Variants in DMD observed in about 807,000 individuals in gnomAD.
The protein encoded by DMD is dystrophin, also known as mutant dystrophin.
DMD carries 63 observed loss-of-function variants against 330.1 expected under a neutral mutation model. The observed-to-expected ratio is 0.19, with a 90% confidence interval of 0.16 to 0.24. DMD has a LOEUF of 0.24. DMD is among the 10% of genes least tolerant of loss of function. The pLI is 1.00. For missense variants in DMD, 3,344 were observed against 2,684.1 expected, an observed-to-expected ratio of 1.25 and a Z score of -5.43; for synonymous variants, 1,223 against 959.8, an observed-to-expected ratio of 1.27 and a Z score of -5.07.
chrX:31,758,168 C>G (rs745555424), intron 51 of DMD, among the ~76,000 whole-genome samples: 14 of 111,702 alleles, frequency 1.3e-4, no homozygotes, highest in Non-Finnish European at 2.4e-4. Flanking sequence ...CTAGAATGCT[C>G]TTAATCTAAA....
intron 7 of DMD, among the ~76,000 whole-genome samples, chrX:32,719,850 C>G (rs1269033135): frequency 1.8e-5 from 2 of 109,853 alleles, no homozygotes; most frequent in Non-Finnish European, 3.8e-5. Flanking sequence ...TGCCCTTTTC[C>G]AACCTCTGAA....
chrX:32,954,865 C>G lies in DMD; in HGVS notation c.93+65274G>C, dbSNP rs1174824806. Among the ~76,000 whole-genome samples, 5 of 111,708 alleles carry G rather than the reference C, an allele frequency of 4.5e-5. No individual in the cohort carries two copies. In the Admixed American group the frequency reaches 4.8e-4, roughly 11 times the overall value. On this transcript the variant is annotated intron_variant, in intron 2 of 78. Transcript: ENST00000357033. ...ACTCCATCCATGTTCCTGCAAAGTA[C>G]ATGGTCTCATTCTTTCTTATGGCTA...
At chrX:31,535,547 C>T (rs1472709603) in intron 55 of DMD, among the ~76,000 whole-genome samples, 3 of 101,293 alleles carry the variant, frequency 3.0e-5, no homozygotes, top group African/African-American at 7.2e-5. Flanking sequence ...AGAAGAAAAC[C>T]TAGGCATTAC....
intron 1 of DMD, among the ~76,000 whole-genome samples, chrX:33,255,873 G>A (rs1453964421): frequency 9.0e-6 from 1 of 111,542 alleles, no homozygotes; most frequent in Non-Finnish European, 1.9e-5. Flanking sequence ...TGTTACAAAA[G>A]TGGTTGGATT....
At chrX:31,396,056 G>T (rs2060906993) in intron 60 of DMD, among the ~76,000 whole-genome samples, 1 of 111,465 alleles carries the variant, frequency 9.0e-6, no homozygotes, top group Admixed American at 9.5e-5. Flanking sequence ...TGATGTTAAT[G>T]CAAAACTGGA....
At chrX:33,253,528 T>A (rs926844020) in intron 1 of DMD, among the ~76,000 whole-genome samples, 12 of 111,557 alleles carry the variant, frequency 1.1e-4, no homozygotes, top group Non-Finnish European at 2.3e-4. Context: ...CAAAAAAATT[T>A]CAATGAGTGA....
At chrX:32,564,469 T>C (rs1319085312) in intron 16 of DMD, among the ~76,000 whole-genome samples, 1 of 111,539 alleles carries the variant, frequency 9.0e-6, no homozygotes, top group Non-Finnish European at 1.9e-5. Context: ...TAAATACCAA[T>C]GTATTGCAAA....
At position 33,006,760 on chromosome X, in the gene DMD, T is replaced by C. The variant is rs183383849; in HGVS notation, c.93+13379A>G. 2.7e-5 allele frequency among the ~76,000 whole-genome samples: 3 copies of C among 111,327 alleles called. No individual in the cohort carries two copies. In the East Asian group the frequency reaches 8.5e-4, roughly 32 times the overall value. The stretch of plus-strand genomic sequence containing the variant: ...ATAAATTTTAGGAGTTGAAAATAAA[T>C]ACTCCTTCCATAAAAACATACTAAA... On this transcript the variant is annotated intron_variant, in intron 2 of 78. Coordinates refer to ENST00000357033, the MANE Select transcript of DMD (RefSeq NM_004006.3).
intron 76 of DMD, among the ~76,000 whole-genome samples, chrX:31,141,703 G>T (rs2147870801): frequency 9.0e-6 from 1 of 111,358 alleles, no homozygotes; most frequent in South Asian, 3.8e-4. Context: ...TGGAAGAGAT[G>T]CTCCAAAGGT....
At chrX:32,227,142 T>A (rs113829308) in intron 43 of DMD, among the ~76,000 whole-genome samples, 2 of 102,719 alleles carry the variant, frequency 1.9e-5, no homozygotes, top group Non-Finnish European at 4.0e-5. Context: ...TAAAAACAGA[T>A]GATTGGATAA....
intron 44 of DMD, among the ~76,000 whole-genome samples, chrX:32,091,132 C>A (rs2096471738): frequency 9.0e-6 from 1 of 111,531 alleles, no homozygotes; most frequent in African/African-American, 3.3e-5. Flanking sequence ...AGAGAAGACA[C>A]CTTTGGCAAA....
At chrX:31,206,762 A>C in intron 65 of DMD, 95 bp from the exon 66 acceptor site, 1 of 691,498 alleles carries the variant, frequency 1.4e-6, no homozygotes, top group Non-Finnish European at 2.3e-6. Context: ...AGGAAAAATA[A>C]AGGAGTAAAG....
chrX:32,499,482 G>A (rs2043825836), intron 19 of DMD, among the ~76,000 whole-genome samples: 1 of 111,366 alleles, frequency 9.0e-6, no homozygotes, highest in Non-Finnish European at 1.9e-5. Context: ...ACTATACGTG[G>A]TTAAGAGGAA....
intron 13 of DMD, among the ~76,000 whole-genome samples, chrX:32,585,535 C>T (rs1345964018): frequency 9.4e-6 from 1 of 106,671 alleles, no homozygotes; most frequent in African/African-American, 3.4e-5. Flanking sequence ...CCCATCTCTA[C>T]AGAAAATACA....
chrX:31,445,764 T>A (rs912000888), intron 59 of DMD, among the ~76,000 whole-genome samples: 1 of 111,376 alleles, frequency 9.0e-6, no homozygotes, highest in Non-Finnish European at 1.9e-5. Context: ...TAGCAATCCG[T>A]TGAGCAGAAG....
intron 55 of DMD, among the ~76,000 whole-genome samples, chrX:31,609,903 T>G (rs2148288518): frequency 8.9e-6 from 1 of 111,853 alleles, no homozygotes; most frequent in African/African-American, 3.2e-5. Flanking sequence ...GAGAATATTC[T>G]ACCATATTTC....
chrX:31,601,161 T>C (rs751504347), intron 55 of DMD, among the ~76,000 whole-genome samples: 5 of 112,266 alleles, frequency 4.5e-5, no homozygotes, highest in South Asian at 3.7e-4. Flanking sequence ...CCGATGTTGA[T>C]TGCTATCATT....
chrX:33,025,174 T>A (rs1234842733), intron 1 of DMD, among the ~76,000 whole-genome samples: 1 of 111,809 alleles, frequency 8.9e-6, no homozygotes, highest in Non-Finnish European at 1.9e-5. Context: ...TTGGAGAAGG[T>A]AATGGGTAGG....
At chrX:31,542,472 C>T (rs905624942) in intron 55 of DMD, among the ~76,000 whole-genome samples, 1 of 112,075 alleles carries the variant, frequency 8.9e-6, no homozygotes, top group Non-Finnish European at 1.9e-5. Context: ...CTTTCCTTCT[C>T]TGTGAAATAG....
Sources: gnomAD v4.1 joint callset for allele counts (sites outside exome capture counted in the v4.1 genomes callset) on GRCh38, gnomAD v4.1.1 for gene constraint, MANE v1.5 for transcripts, NCBI Gene and HGNC (gene_info 2026-07-23, HGNC 2026-07-21) for gene names.